Variants in SGCZ observed in about 807,000 individuals in gnomAD.
SGCZ encodes sarcoglycan zeta.
SGCZ carries 40 observed loss-of-function variants against 41.3 expected under a neutral mutation model. That is an observed-to-expected ratio of 0.97 (90% CI 0.75 to 1.26). The LOEUF (loss-of-function observed/expected upper bound fraction) is 1.26. SGCZ is among the 50% of genes most tolerant of loss of function. SGCZ has a pLI of 0.00. For synonymous variants in SGCZ, 206 were observed against 137.5 expected (o/e 1.50, Z -3.49); for missense variants, 552 against 369.8 (o/e 1.49, Z -4.04).
intron 5 of SGCZ, among the ~76,000 whole-genome samples, chr8:14,147,169 C>G (rs1803553511): frequency 6.6e-6 from 1 of 151,890 alleles, no homozygotes; most frequent in African/African-American, 2.4e-5. Context: ...GAGAAAATCA[C>G]CTTCACTAAA....
chr8:14,226,615 T>C (rs1326061384), intron 4 of SGCZ, among the ~76,000 whole-genome samples: 1 of 152,140 alleles, frequency 6.6e-6, no homozygotes, highest in Non-Finnish European at 1.5e-5. Flanking sequence ...CTGAAGGATA[T>C]TTGAGTTGAC....
rs117638587 is a variant in SGCZ at position 14,629,825 on chromosome 8, A to T, written c.40-74899T>A. Among the ~76,000 whole-genome samples, 1,234 of 152,204 alleles carry T rather than the reference A, an allele frequency of 8.1e-3. 4 individuals are homozygous for T. Among genetic ancestry groups the T allele is most frequent in the South Asian group, 0.015 (71 of 4,822 alleles). On this transcript the variant is annotated intron_variant, in intron 1 of 7. Transcript: ENST00000382080. ...TAAAATTGAGATGCTTCATGACTCA[A>T]AGAGCTCCTTTTCATATAAATAATG...
intron 1 of SGCZ, among the ~76,000 whole-genome samples, chr8:14,757,624 A>T (rs543984524): frequency 7.2e-5 from 11 of 152,316 alleles, no homozygotes; most frequent in Non-Finnish European, 1.0e-4. Flanking sequence ...TGTTCTGAGT[A>T]CCGGGTAGCA....
intron 1 of SGCZ, among the ~76,000 whole-genome samples, chr8:15,158,549 C>A (rs146319934): frequency 3.3e-5 from 5 of 152,214 alleles, no homozygotes; most frequent in Middle Eastern, 6.8e-3. Flanking sequence ...CTACTTTATG[C>A]TAAAACCTAC....
intron 3 of SGCZ, among the ~76,000 whole-genome samples, chr8:14,308,411 T>C (rs1378834476): frequency 6.6e-6 from 1 of 151,988 alleles, no homozygotes; most frequent in East Asian, 1.9e-4. Flanking sequence ...TGGATATTCT[T>C]TTGATTAGTC....
chr8:14,465,233 T>G (rs972201572), intron 2 of SGCZ, among the ~76,000 whole-genome samples: 4 of 151,510 alleles, frequency 2.6e-5, no homozygotes, highest in African/African-American at 9.7e-5. Context: ...TTGCCTCATA[T>G]GTTTTGATGT....
At chr8:14,449,600 T>C (rs1320469684) in intron 2 of SGCZ, among the ~76,000 whole-genome samples, 3 of 152,144 alleles carry the variant, frequency 2.0e-5, no homozygotes, top group African/African-American at 7.2e-5. Flanking sequence ...ACTCCCTCCA[T>C]CGTCCCTCCA....
At chr8:14,688,388 G>A (rs1047798057) in intron 1 of SGCZ, among the ~76,000 whole-genome samples, 2 of 152,104 alleles carry the variant, frequency 1.3e-5, no homozygotes, top group African/African-American at 2.4e-5. Flanking sequence ...GTAAGGAAGG[G>A]ATCCAGGTTC....
At chr8:14,906,528 C>T (rs895199870) in intron 1 of SGCZ, among the ~76,000 whole-genome samples, 2 of 152,214 alleles carry the variant, frequency 1.3e-5, no homozygotes, top group African/African-American at 2.4e-5. Flanking sequence ...ACAAAGCAAA[C>T]GTAAACTGCT....
chr8:14,246,247 C>T (rs541362500), intron 3 of SGCZ, among the ~76,000 whole-genome samples: 94 of 152,254 alleles, frequency 6.2e-4, no homozygotes, highest in Non-Finnish European at 1.1e-3. Flanking sequence ...CACATAGACA[C>T]CATGGAATAC....
chr8:14,590,684 C>T (rs1477538141), intron 1 of SGCZ, among the ~76,000 whole-genome samples: 1 of 148,652 alleles, frequency 6.7e-6, no homozygotes, highest in Non-Finnish European at 1.5e-5. Flanking sequence ...GATATATTTC[C>T]TAGTACATAT....
chr8:15,202,967 TG>T (rs371949584), intron 1 of SGCZ, among the ~76,000 whole-genome samples: 1 of 151,980 alleles, frequency 6.6e-6, no homozygotes, highest in African/African-American at 2.4e-5. Flanking sequence ...AAAATTTTCC[TG>T]GCATTATGGT....
intron 1 of SGCZ, among the ~76,000 whole-genome samples, chr8:15,195,168 C>A (rs1800681641): frequency 6.6e-6 from 1 of 152,164 alleles, no homozygotes; most frequent in African/African-American, 2.4e-5. Context: ...TAAGTCTTAT[C>A]TAGATCCCAC....
intron 1 of SGCZ, among the ~76,000 whole-genome samples, chr8:14,945,637 G>A (rs973491153): frequency 6.6e-6 from 1 of 151,078 alleles, no homozygotes; most frequent in African/African-American, 2.4e-5. Context: ...TGGCATGTGA[G>A]TTGCCAGACT....
At chr8:14,784,916 ATATATATAT>A in intron 1 of SGCZ, among the ~76,000 whole-genome samples, 1 of 96,184 alleles carries the variant, frequency 1.0e-5, no homozygotes, top group Non-Finnish European at 2.1e-5. Context: ...AAAAAAAAAT[ATATATATAT>A]ATATATATAA....
chr8:14,401,156 C>A (rs540857749), intron 2 of SGCZ, among the ~76,000 whole-genome samples: 2 of 152,234 alleles, frequency 1.3e-5, no homozygotes, highest in South Asian at 2.1e-4. Flanking sequence ...TAATCTTGTC[C>A]AAACTAATGC....
At chr8:14,921,537 C>T (rs1799588111) in intron 1 of SGCZ, among the ~76,000 whole-genome samples, 1 of 149,954 alleles carries the variant, frequency 6.7e-6, no homozygotes, top group African/African-American at 2.4e-5. Flanking sequence ...TTTAAATCCC[C>T]ATTTAAAAAA....
intron 2 of SGCZ, among the ~76,000 whole-genome samples, chr8:14,463,868 G>A (rs1018278352): frequency 6.7e-6 from 1 of 148,448 alleles, no homozygotes; most frequent in Admixed American, 6.6e-5. Context: ...TTCTGCATCA[G>A]TTGAGATGAT....
intron 1 of SGCZ, among the ~76,000 whole-genome samples, chr8:15,123,062 T>A (rs546085278): frequency 6.6e-6 from 1 of 152,318 alleles, no homozygotes; most frequent in East Asian, 1.9e-4. Context: ...ACTCTGGTAC[T>A]GCTCTGTAAC....
Sources: allele counts gnomAD v4.1 joint callset (sites outside exome capture counted in the v4.1 genomes callset), GRCh38; gene constraint gnomAD v4.1.1; transcripts MANE v1.5; gene names NCBI Gene and HGNC (gene_info 2026-07-23, HGNC 2026-07-21).